The following TRPC6 variants were observed in gnomAD, a reference collection of about 807,000 sequenced individuals.
TRPC6 encodes the protein short transient receptor potential channel 6.
A neutral mutation model predicts 90.7 loss-of-function variants in TRPC6; 55 were observed. The ratio of observed to expected loss-of-function variants is 0.61; its 90% CI spans 0.49 to 0.76. The LOEUF (loss-of-function observed/expected upper bound fraction) is 0.76, where lower values mean the gene tolerates loss of function less well. TRPC6 is among the 30% of genes least tolerant of loss of function. The pLI, the probability that TRPC6 is intolerant of heterozygous loss-of-function variation, is 0.00. For missense variants in TRPC6, 989 were observed against 1,122.7 expected, an observed-to-expected ratio of 0.88 and a Z score of 1.70; for synonymous variants, 393 against 393.0, an observed-to-expected ratio of 1.00 and a Z score of 0.00.
At chr11:101,540,117 CAT>C (rs1487866148) in intron 1 of TRPC6, among the ~76,000 whole-genome samples, 6 of 152,290 alleles carry the variant, frequency 3.9e-5, no homozygotes, top group Non-Finnish European at 4.4e-5. Flanking sequence ...GTGAACAACA[CAT>C]ATGTGTAAAA....
intron 2 of TRPC6, among the ~76,000 whole-genome samples, chr11:101,496,090 GA>G (rs2136717712): frequency 6.6e-6 from 1 of 152,010 alleles, no homozygotes; most frequent in African/African-American, 2.4e-5. Context: ...GAGAGAGAGA[GA>G]GAGAGAGAGT....
chr11:101,477,858 GTATT>G (rs1388083943), intron 5 of TRPC6, among the ~76,000 whole-genome samples: 1 of 152,176 alleles, frequency 6.6e-6, no homozygotes, highest in Non-Finnish European at 1.5e-5. Context: ...ATTGGCACAT[GTATT>G]TTTTTCTTAA....
At chr11:101,549,867 T>G (rs1861412740) in intron 1 of TRPC6, among the ~76,000 whole-genome samples, 1 of 151,508 alleles carries the variant, frequency 6.6e-6, no homozygotes, top group African/African-American at 2.4e-5. Context: ...AGAAAAATAT[T>G]TAGTCAATGA....
intron 1 of TRPC6, among the ~76,000 whole-genome samples, chr11:101,515,388 C>T (rs958035015): frequency 3.9e-5 from 6 of 152,200 alleles, no homozygotes; most frequent in Non-Finnish European, 4.4e-5. Context: ...CTTTGTTTTG[C>T]TGCCACTATT....
chr11:101,582,303 A>C (rs1258117903), intron 1 of TRPC6, among the ~76,000 whole-genome samples: 1 of 152,146 alleles, frequency 6.6e-6, no homozygotes, highest in Non-Finnish European at 1.5e-5. Context: ...CCCATCTATC[A>C]GGAGGGTCTG....
chr11:101,471,980 A>G (rs554118630), intron 8 of TRPC6, among the ~76,000 whole-genome samples, 157 bp downstream of exon 8: 1 of 152,324 alleles, frequency 6.6e-6, no homozygotes, highest in African/African-American at 2.4e-5. Flanking sequence ...GGAAGCAAAG[A>G]GTTAAAATTT....
chr11:101,522,449 T>C (rs1860684452), intron 1 of TRPC6, among the ~76,000 whole-genome samples: 1 of 152,190 alleles, frequency 6.6e-6, no homozygotes, highest in South Asian at 2.1e-4. Flanking sequence ...ATTAAACCTC[T>C]TTTCTTTATA....
At chr11:101,562,653 C>A (rs1274368564) in intron 1 of TRPC6, among the ~76,000 whole-genome samples, 1 of 152,140 alleles carries the variant, frequency 6.6e-6, no homozygotes, top group African/African-American at 2.4e-5. Context: ...TGAGCTGAAG[C>A]ATAATAGGAA....
chr11:101,473,689 A>G lies in TRPC6; in HGVS notation c.1829T>C (p.Ile610Thr), dbSNP rs1381113988. Residue 610 changes from isoleucine to threonine, a missense_variant, in exon 7 of 13, where the codon ATA (isoleucine) becomes ACA (threonine). Transcript: ENST00000344327. ...AIAVVLSFSR[I>T]AYILPANESF... Reference sequence around the variant, plus strand: ...TTCATTTGCTGGTAAAATATAAGCTATCCTAGAGAAACTTAAAACTACAGC... The same window carrying G: ...TTCATTTGCTGGTAAAATATAAGCTGTCCTAGAGAAACTTAAAACTACAGC... 6.2e-7 allele frequency: 1 copy of G among 1,613,660 alleles called. No individual in the cohort carries two copies. Among genetic ancestry groups the G allele is most frequent in the Non-Finnish European group, 8.5e-7 (1 of 1,179,794 alleles).
chr11:101,571,019 G>A (rs1286011710), intron 1 of TRPC6, among the ~76,000 whole-genome samples: 1 of 152,162 alleles, frequency 6.6e-6, no homozygotes, highest in African/African-American at 2.4e-5. Context: ...GTTCTGGCCA[G>A]GGGATTCAGG....
At chr11:101,490,139 G>A (rs962820365) in intron 3 of TRPC6, among the ~76,000 whole-genome samples, 10 of 152,074 alleles carry the variant, frequency 6.6e-5, no homozygotes, top group African/African-American at 2.2e-4. Flanking sequence ...CAACAAATAT[G>A]TTTACTGTAT....
chr11:101,576,161 C>A (rs148787099), intron 1 of TRPC6, among the ~76,000 whole-genome samples: 1 of 152,092 alleles, frequency 6.6e-6, no homozygotes, highest in Non-Finnish European at 1.5e-5. Context: ...CTTTATAAAA[C>A]GGATGCTAAA....
At chr11:101,502,577 T>C (rs1159218047) in intron 2 of TRPC6, among the ~76,000 whole-genome samples, 2 of 152,172 alleles carry the variant, frequency 1.3e-5, no homozygotes, top group Non-Finnish European at 2.9e-5. Context: ...GTAATATAGA[T>C]TTTGAAAATA....
At position 101,524,331 on chromosome 11, in the gene TRPC6, C is replaced by T. The variant is rs537412970; in HGVS notation, c.171-19533G>A. ...TGGCACGATCTCGGCTCACTGCAAG[C>T]TCCACCACCCAGGTTCACGCCATTC... is the stretch of plus-strand genomic sequence containing the variant. On this transcript the variant is annotated intron_variant, in intron 1 of 12. Transcript: ENST00000344327. Among the ~76,000 whole-genome samples, 15 of 152,322 alleles carry T rather than the reference C, an allele frequency of 9.8e-5. 1 individual carries two copies. In the East Asian group the frequency reaches 2.9e-3, roughly 29 times the overall value.
chr11:101,551,814 C>T (rs531811449), intron 1 of TRPC6, among the ~76,000 whole-genome samples: 2 of 152,198 alleles, frequency 1.3e-5, no homozygotes, highest in Non-Finnish European at 2.9e-5. Context: ...TAGAATGTCT[C>T]CCACCAGAGC....
Position 101,534,056 on chromosome 11 carries a change from G to A in TRPC6, c.171-29258C>T, listed in dbSNP as rs185624657. On this transcript the variant is annotated intron_variant, in intron 1 of 12. Coordinates refer to ENST00000344327, the MANE Select transcript of TRPC6 (RefSeq NM_004621.6). ...CAAAATCAGGCTCTGCCATCAGGAA[G>A]TTGCCTCTGTTCTTATCCTTCCTCA... Among the ~76,000 whole-genome samples the A allele has an allele frequency of 3.9e-4, 59 of 152,278 alleles. 1 individual carries two copies. The highest frequency in any genetic ancestry group is 1.3e-3 in the African/African-American group (55 of 41,574).
At chr11:101,551,941 C>T (rs1333700726) in intron 1 of TRPC6, among the ~76,000 whole-genome samples, 1 of 152,032 alleles carries the variant, frequency 6.6e-6, no homozygotes, top group African/African-American at 2.4e-5. Context: ...TTTTGTGTCT[C>T]CTTGTAGAAA....
intron 10 of TRPC6, among the ~76,000 whole-genome samples, chr11:101,465,552 G>C (rs1219082231): frequency 6.6e-6 from 1 of 151,940 alleles, no homozygotes; most frequent in Non-Finnish European, 1.5e-5. Flanking sequence ...TTCAATCTCT[G>C]ATATCCTTTC....
At chr11:101,482,321 T>G (rs952744434) in intron 5 of TRPC6, among the ~76,000 whole-genome samples, 1 of 152,226 alleles carries the variant, frequency 6.6e-6, no homozygotes, top group Non-Finnish European at 1.5e-5. Flanking sequence ...TTGCATTATA[T>G]TTAATGGCAA....
Sources: allele counts gnomAD v4.1 joint callset (sites outside exome capture counted in the v4.1 genomes callset), GRCh38; gene constraint gnomAD v4.1.1; transcripts MANE v1.5; gene names NCBI Gene and HGNC (gene_info 2026-07-23, HGNC 2026-07-21).